Variants in CASP10 observed in about 807,000 individuals in gnomAD.
CASP10 encodes caspase-10.
In CASP10, 41 loss-of-function variants were observed where a neutral mutation model predicts 48.5. That is an observed-to-expected ratio of 0.85 (90% CI 0.66 to 1.10). CASP10 has a LOEUF of 1.10. Among genes scored for constraint, CASP10 ranks in the 50% least tolerant of loss-of-function variants. The pLI is 0.00. For synonymous variants in CASP10, 232 were observed against 238.4 expected (o/e 0.97, Z 0.25); for missense variants, 614 against 614.5 (o/e 1.00, Z 0.01).
chr2:201,226,770 T>C (rs1945792980), intron 9 of CASP10, among the ~76,000 whole-genome samples: 1 of 152,110 alleles, frequency 6.6e-6, no homozygotes, highest in African/African-American at 2.4e-5. Flanking sequence ...GGTATAGTCA[T>C]ATAAAGGAAT....
chr2:201,196,065 TA>T (rs1358633008), intron 5 of CASP10, 117 bp downstream of exon 5: 1 of 715,612 alleles, frequency 1.4e-6, no homozygotes, highest in African/African-American at 1.8e-5. Context: ...CCATTTATTG[TA>T]AATGGTCTCA....
intron 5 of CASP10, chr2:201,200,474 A>G (rs780428422): frequency 2.9e-5 from 47 of 1,598,118 alleles, no homozygotes; most frequent in Non-Finnish European, 3.6e-5. Context: ...AATGAAGGAG[A>G]CCGTGGAAAC....
rs908569290 is a variant in CASP10 at position 201,183,304 on chromosome 2, T to C, written c.-12T>C. On this transcript the variant is annotated 5_prime_UTR_variant, in exon 1 of 10. Coordinates refer to ENST00000286186, the MANE Select transcript of CASP10 (RefSeq NM_032977.4). ...TCCAGAAGATTGGTGGAGCTTGATC[T>C]GAAGGTATGTAATTAACAACCCTTC... 4 of 152,256 alleles carry C rather than the reference T, an allele frequency of 2.6e-5. No homozygotes were observed. Among genetic ancestry groups the C allele is most frequent in the Non-Finnish European group, 5.9e-5 (4 of 68,040 alleles). The allele number at this position is 152,256 out of a possible 1,614,324, so 9.4% of individuals were successfully genotyped here.
intron 9 of CASP10, among the ~76,000 whole-genome samples, chr2:201,217,298 GCTCAT>G (rs1382092865): frequency 6.6e-6 from 1 of 152,148 alleles, no homozygotes; most frequent in African/African-American, 2.4e-5. Context: ...AGGCACAGTG[GCTCAT>G]GCCTGTAATC....
At chr2:201,208,452 C>G in intron 8 of CASP10, 1 of 711,000 alleles carries the variant, frequency 1.4e-6, no homozygotes, top group Non-Finnish European at 1.7e-6. Context: ...TGAGCTCCAG[C>G]TCCACCACTA....
Position 201,220,777 on chromosome 2 carries a change from A to G in CASP10, c.*3036A>G. The stretch of plus-strand genomic sequence containing the variant: ...ATGATCTCCCAAAACCGTGTTCATA[A>G]CAGTCAGGGCCAAAAGCTAGTGGTC... On this transcript the variant is annotated 3_prime_UTR_variant, in exon 10 of 10. Transcript: ENST00000286186. 1.0e-6 allele frequency: 1 copy of G among 985,364 alleles called. No homozygotes were observed. The highest frequency in any genetic ancestry group is 1.2e-6 in the Non-Finnish European group (1 of 829,944). The allele number at this position is 985,364 out of a possible 1,614,324, so 61.0% of individuals were successfully genotyped here.
intron 3 of CASP10, among the ~76,000 whole-genome samples, chr2:201,190,841 G>A (rs996886489): frequency 2.6e-5 from 4 of 151,322 alleles, no homozygotes; most frequent in African/African-American, 9.7e-5. Flanking sequence ...AGGCATCTGT[G>A]GCTACAGAAT....
chr2:201,187,659 C>A, intron 2 of CASP10, 47 bp from the exon 3 acceptor site: 2 of 1,333,796 alleles, frequency 1.5e-6, no homozygotes, highest in Non-Finnish European at 1.1e-6. Context: ...TTATGGTGTC[C>A]TCCACAAGTG....
intron 5 of CASP10, among the ~76,000 whole-genome samples, chr2:201,196,658 G>C (rs1310704564): frequency 2.0e-5 from 3 of 152,068 alleles, no homozygotes; most frequent in African/African-American, 7.2e-5. Context: ...TTTTGTTTTT[G>C]TTTTCAACTG....
At position 201,220,878 on chromosome 2, in the gene CASP10, G is replaced by C. The variant is rs41522046; in HGVS notation, c.*3137G>C. 8.7e-4 allele frequency: 859 copies of C among 985,456 alleles called. 6 individuals are homozygous for C. In the African/African-American group the frequency reaches 0.014, roughly 16 times the overall value. 61.0% of individuals were successfully genotyped at this position (985,456 alleles called of 1,614,324 possible). A position where few individuals can be genotyped will look rare whatever the true frequency, so the allele number is the denominator to read the frequency against. On this transcript the variant is annotated 3_prime_UTR_variant, in exon 10 of 10. Transcript: ENST00000286186. ...GGTGAGATACTGAGGAAAGAGCAAA[G>C]GATCTGGAGATCAAAGCCCTGCATT...
At position 201,218,575 on chromosome 2, in the gene CASP10, T is replaced by C; in HGVS notation, c.*834T>C. On this transcript the variant is annotated 3_prime_UTR_variant, in exon 10 of 10. Transcript: ENST00000286186. ...CCTCAGCTTCTCAAAGTTCTGGGAC[T>C]ACAGGCATGAAATACTGTGCCTGGC... The C allele has an allele frequency of 1.2e-5, 12 of 982,758 alleles. No individual in the cohort carries two copies. The highest frequency in any genetic ancestry group is 1.3e-5 in the Non-Finnish European group (11 of 827,492). The allele number at this position is 982,758 out of a possible 1,614,324, so 60.9% of individuals were successfully genotyped here. A position where few individuals can be genotyped will look rare whatever the true frequency, so the allele number is the denominator to read the frequency against.
At chr2:201,210,841 G>C (rs1328585354) in intron 9 of CASP10, among the ~76,000 whole-genome samples, 1 of 152,100 alleles carries the variant, frequency 6.6e-6, no homozygotes, top group Non-Finnish European at 1.5e-5. Context: ...AAAAATATAA[G>C]TGAATATTTA....
At chr2:201,208,420 T>C in intron 8 of CASP10, 1 of 976,346 alleles carries the variant, frequency 1.0e-6, no homozygotes, top group Non-Finnish European at 1.2e-6. Flanking sequence ...GCCTGCTGGA[T>C]TGGCACGAGA....
chr2:201,210,400 A>G lies in CASP10; in HGVS notation c.1415+838A>G, dbSNP rs543625640. On this transcript the variant is annotated intron_variant, in intron 9 of 9. Transcript: ENST00000286186. The stretch of plus-strand genomic sequence containing the variant: ...CTGATATATTGTGAGCTTGTTAAAC[A>G]TTTGCTGGGCCAATGAATGACTTGC... Among the ~76,000 whole-genome samples the G allele has an allele frequency of 7.2e-5, 11 of 152,322 alleles. No individual in the cohort carries two copies. The East Asian group carries it at 2.1e-3, about 29-fold the overall frequency.
rs549065681 is a variant in CASP10, at chr2:201,219,700, T to A, written c.*1959T>A. On this transcript the variant is annotated 3_prime_UTR_variant, in exon 10 of 10. Transcript: ENST00000286186. Reference sequence around the variant, plus strand: ...TAAGATTTTGAGCATTTTTACGTACTTGAGCTTTTTTTTTTTTTTTTTTCA... The same window carrying A: ...TAAGATTTTGAGCATTTTTACGTACATGAGCTTTTTTTTTTTTTTTTTTCA... 49 of 983,578 alleles carry A rather than the reference T, an allele frequency of 5.0e-5. No individual in the cohort carries two copies. In the East Asian group the frequency reaches 5.0e-3, roughly 100 times the overall value. The allele number at this position is 983,578 out of a possible 1,614,324, so 60.9% of individuals were successfully genotyped here. A position where few individuals can be genotyped will look rare whatever the true frequency, so the allele number is the denominator to read the frequency against.
rs1253463873 is a variant in CASP10, at chr2:201,187,770, C to A, written c.412C>A (p.Leu138Met). The change falls in exon 3 of 10, where the codon CTG (leucine) becomes ATG (methionine). Residue 138 changes from leucine to methionine, a missense_variant. Physicochemically the swap from Leu to Met is conservative, Grantham distance 15. Coordinates refer to ENST00000286186, the MANE Select transcript of CASP10 (RefSeq NM_032977.4). Reference protein sequence around the residue: ...SENLKDMIFLLKDSLPKTEMT... With the variant: ...SENLKDMIFLMKDSLPKTEMT... ...GAACTTAAAGGACATGATCTTCCTT[C>A]TGAAAGACTCGCTTCCCAAAACTGA... 1 of 1,614,080 alleles carries A rather than the reference C, an allele frequency of 6.2e-7. No homozygotes were observed. The highest frequency in any genetic ancestry group is 1.1e-5 in the South Asian group (1 of 91,090).
chr2:201,226,690 C>A (rs1361752670), intron 9 of CASP10, among the ~76,000 whole-genome samples: 117 of 142,484 alleles, frequency 8.2e-4, no homozygotes, highest in Non-Finnish European at 1.0e-3. Context: ...TGTAAAAGTA[C>A]AAAAAAAAAA....
At chr2:201,186,843 C>T (rs1220412722) in intron 2 of CASP10, among the ~76,000 whole-genome samples, 3 of 152,114 alleles carry the variant, frequency 2.0e-5, no homozygotes, top group Non-Finnish European at 2.9e-5. Context: ...CCCACCACCA[C>T]ACCTGGCTAA....
chr2:201,225,739 A>T (rs1315335984), downstream of CASP10, among the ~76,000 whole-genome samples: 1 of 152,204 alleles, frequency 6.6e-6, no homozygotes, highest in African/African-American at 2.4e-5. Flanking sequence ...TGGGAGGCCG[A>T]GGCAGGCGGA....
Sources: gnomAD v4.1 joint callset for allele counts (sites outside exome capture counted in the v4.1 genomes callset) on GRCh38, gnomAD v4.1.1 for gene constraint, MANE v1.5 for transcripts, NCBI Gene and HGNC (gene_info 2026-07-23, HGNC 2026-07-21) for gene names.